TMEM209: variants seen among roughly 807,000 people sequenced by gnomAD.
TMEM209 encodes the protein transmembrane protein 209.
TMEM209 carries 65 observed loss-of-function variants against 76.2 expected under a neutral mutation model. The ratio of observed to expected loss-of-function variants is 0.85; its 90% CI spans 0.70 to 1.05. TMEM209 has a LOEUF of 1.05. Ranked by LOEUF, TMEM209 falls within the 50% of genes least tolerant of loss-of-function variation. TMEM209 has a pLI of 0.00. For synonymous variants in TMEM209, 239 were observed against 237.6 expected (o/e 1.01, Z -0.06); for missense variants, 623 against 685.5 (o/e 0.91, Z 1.02).
At chr7:130,169,710 C>G (rs1049225168) in intron 14 of TMEM209, among the ~76,000 whole-genome samples, 5 of 151,942 alleles carry the variant, frequency 3.3e-5, no homozygotes, top group Non-Finnish European at 7.4e-5. Flanking sequence ...GAAATGACCA[C>G]AATCCCTTCT....
Position 130,165,697 on chromosome 7 carries a change from A to AT in TMEM209, c.*753dup, listed in dbSNP as rs1364242184. 1 of 126,842 alleles carries AT rather than the reference A, an allele frequency of 7.9e-6. No individual in the cohort carries two copies. Among genetic ancestry groups the AT allele is most frequent in the Non-Finnish European group, 1.6e-5 (1 of 61,400 alleles). The allele number at this position is 126,842 out of a possible 1,614,324, so 7.9% of individuals were successfully genotyped here. On this transcript the variant is annotated 3_prime_UTR_variant, in exon 15 of 15. Transcript: ENST00000397622. ...CTAACTTGCAGAATGCTGGGGAAAC[A>AT]TTAAAAAAAAAAAAAAAAAAACTAA...
In TMEM209 at chr7:130,192,946, C is replaced by T. The variant is rs775429624; in HGVS notation, c.574-123G>A. 67 of 850,582 alleles carry T rather than the reference C, an allele frequency of 7.9e-5. No individual in the cohort carries two copies. The Middle Eastern group carries it at 1.1e-3, about 14-fold the overall frequency. The allele number at this position is 850,582 out of a possible 1,614,324, so 52.7% of individuals were successfully genotyped here. On this transcript the variant is annotated intron_variant, in intron 5 of 14. Transcript: ENST00000397622. Reference sequence around the variant, plus strand: ...AATCCACAATACTGACAACATCAAACGCTGATGAGGTTGTGGAACAACAGA... The same window carrying T: ...AATCCACAATACTGACAACATCAAATGCTGATGAGGTTGTGGAACAACAGA...
chr7:130,166,545 A>C (rs1562882090), intron 14 of TMEM209, 40 bp from the exon 15 acceptor site: 6 of 1,366,158 alleles, frequency 4.4e-6, no homozygotes, highest in Non-Finnish European at 4.9e-6. Flanking sequence ...ATTGGTTGCC[A>C]AGCATTTAAG....
chr7:130,190,246 G>A (rs1262445721), intron 6 of TMEM209, among the ~76,000 whole-genome samples: 5 of 152,244 alleles, frequency 3.3e-5, no homozygotes, highest in East Asian at 3.9e-4. Flanking sequence ...GGCCAGGCGC[G>A]GTGGCTCACG....
chr7:130,198,537 G>C (rs975537491), intron 5 of TMEM209, among the ~76,000 whole-genome samples: 9 of 150,824 alleles, frequency 6.0e-5, no homozygotes, highest in African/African-American at 2.2e-4. Context: ...CTTCAACCCG[G>C]GAGGCAGACG....
intron 10 of TMEM209, among the ~76,000 whole-genome samples, chr7:130,176,265 A>C (rs1283503482): frequency 1.3e-5 from 2 of 151,062 alleles, no homozygotes; most frequent in African/African-American, 2.4e-5. Context: ...GGTGCCTGCC[A>C]CCACGCCCAG....
intron 6 of TMEM209, among the ~76,000 whole-genome samples, chr7:130,187,136 A>C (rs1193974785): frequency 6.6e-6 from 1 of 151,784 alleles, no homozygotes; most frequent in Non-Finnish European, 1.5e-5. Flanking sequence ...CCAGCTACTC[A>C]GGAGGCTAAG....
At chr7:130,186,781 TCAC>T (rs891761630) in intron 6 of TMEM209, among the ~76,000 whole-genome samples, 4 of 151,452 alleles carry the variant, frequency 2.6e-5, no homozygotes, top group South Asian at 2.1e-4. Flanking sequence ...AACACCACCA[TCAC>T]CACCACCACC....
intron 14 of TMEM209, among the ~76,000 whole-genome samples, chr7:130,169,952 T>C (rs974415050): frequency 6.6e-6 from 1 of 152,176 alleles, no homozygotes; most frequent in Non-Finnish European, 1.5e-5. Context: ...TGTTACCAAG[T>C]ATGTAAACGA....
rs187210002 is a variant in TMEM209, at chr7:130,169,314, T to G, written c.1631+1086A>C. On this transcript the variant is annotated intron_variant, in intron 14 of 14. Transcript: ENST00000397622. ...AGCTTTGCTTTCTCTAGAGCAGTGC[T>G]GTCCAATAAAAATACAATATGATAT... Among the ~76,000 whole-genome samples, 175 of 152,276 alleles carry G rather than the reference T, an allele frequency of 1.1e-3. 2 individuals are homozygous for G. Among genetic ancestry groups the G allele is most frequent in the Middle Eastern group, 6.8e-3 (2 of 292 alleles).
At position 130,176,342 on chromosome 7, in the gene TMEM209, C is replaced by T. The variant is rs536543625; in HGVS notation, c.1247-733G>A. Among the ~76,000 whole-genome samples, 11 of 151,564 alleles carry T rather than the reference C, an allele frequency of 7.3e-5. No individual in the cohort carries two copies. In the East Asian group the frequency reaches 1.9e-3, roughly 27 times the overall value. On this transcript the variant is annotated intron_variant, in intron 10 of 14. Coordinates refer to ENST00000397622, the MANE Select transcript of TMEM209 (RefSeq NM_032842.4). Reference sequence around the variant, plus strand: ...TTCACCGTGTTAGCCAGGATGGTCTCGATCTCCTGACCTTGTGATCCATCT... The same window carrying T: ...TTCACCGTGTTAGCCAGGATGGTCTTGATCTCCTGACCTTGTGATCCATCT...
chr7:130,185,436 T>A, intron 6 of TMEM209, 69 bp from the exon 7 acceptor site: 1 of 1,369,420 alleles, frequency 7.3e-7, no homozygotes, highest in Non-Finnish European at 1.0e-6. Flanking sequence ...AACACTTATA[T>A]CTAGGCAATG....
At chr7:130,193,980 C>T (rs1349602807) in intron 5 of TMEM209, among the ~76,000 whole-genome samples, 3 of 151,732 alleles carry the variant, frequency 2.0e-5, no homozygotes, top group South Asian at 2.1e-4. Flanking sequence ...GGGCGAATCA[C>T]GGGGTCAGGA....
At chr7:130,179,906 T>C (rs1797354198) in intron 9 of TMEM209, among the ~76,000 whole-genome samples, 1 of 152,112 alleles carries the variant, frequency 6.6e-6, no homozygotes, top group Admixed American at 6.6e-5. Flanking sequence ...GCTGAGGCTG[T>C]AGTGAGCCAT....
chr7:130,200,403 C>G (rs1798148051), intron 5 of TMEM209, among the ~76,000 whole-genome samples: 1 of 152,152 alleles, frequency 6.6e-6, no homozygotes, highest in African/African-American at 2.4e-5. Context: ...ATTTCTGTGA[C>G]AATGTAAATT....
At chr7:130,177,882 C>G (rs969231707) in intron 10 of TMEM209, among the ~76,000 whole-genome samples, 2 of 152,118 alleles carry the variant, frequency 1.3e-5, no homozygotes, top group Non-Finnish European at 2.9e-5. Context: ...AATTTGAATA[C>G]TATTTCTAAA....
intron 5 of TMEM209, among the ~76,000 whole-genome samples, chr7:130,193,516 A>T (rs1797868598): frequency 6.6e-6 from 1 of 151,862 alleles, no homozygotes; most frequent in Non-Finnish European, 1.5e-5. Context: ...TCCAGCCTGG[A>T]CAATAAAAGC....
At chr7:130,171,712 T>G (rs556047526) in intron 13 of TMEM209, among the ~76,000 whole-genome samples, 18 of 152,316 alleles carry the variant, frequency 1.2e-4, no homozygotes, top group Non-Finnish European at 2.6e-4. Context: ...GTAAAGGTTA[T>G]CAACAGAACT....
intron 14 of TMEM209, among the ~76,000 whole-genome samples, chr7:130,169,033 T>G (rs1796965925): frequency 2.0e-5 from 3 of 151,908 alleles, no homozygotes; most frequent in Admixed American, 2.0e-4. Context: ...GATCAGGAGT[T>G]TGAGACCAGC....
Sources: allele counts gnomAD v4.1 joint callset (sites outside exome capture counted in the v4.1 genomes callset), GRCh38; gene constraint gnomAD v4.1.1; transcripts MANE v1.5; gene names NCBI Gene and HGNC (gene_info 2026-07-23, HGNC 2026-07-21).